The following SPAG17 variants were observed in gnomAD, a reference collection of about 807,000 sequenced individuals.
SPAG17 encodes the protein sperm-associated antigen 17.
In SPAG17, 169 loss-of-function variants were observed where a neutral mutation model predicts 273.6. That is an observed-to-expected ratio of 0.62 (90% CI 0.55 to 0.70). SPAG17 has a LOEUF of 0.70. SPAG17 is among the 30% of genes least tolerant of loss of function. SPAG17 has a pLI of 0.00. For missense variants in SPAG17, 2,557 were observed against 2,627.8 expected (o/e 0.97, Z 0.59); for synonymous variants, 825 against 873.2 (o/e 0.94, Z 0.97).
At chr1:118,051,692 GTATGTATAGTTA>G (rs576307114) in intron 20 of SPAG17, among the ~76,000 whole-genome samples, 5,451 of 143,824 alleles carry the variant, frequency 0.038, 165 homozygotes, top group Non-Finnish European at 0.056. Flanking sequence ...TTATATAATA[GTATGTATAGTTA>G]TAATATATAG....
Position 118,106,378 on chromosome 1 carries a change from G to C in SPAG17, c.448-4452C>G, listed in dbSNP as rs1656398642. 2.6e-5 allele frequency among the ~76,000 whole-genome samples: 4 copies of C among 152,138 alleles called. No homozygotes were observed. The South Asian group carries it at 8.3e-4, about 32-fold the overall frequency. ...TGAGTCTTAGTGAGGGCAAGTAGTTGTTCAAACTCAAAGCTAATATGTGGC... is the reference window on the plus strand; with the variant it reads ...TGAGTCTTAGTGAGGGCAAGTAGTTCTTCAAACTCAAAGCTAATATGTGGC... On this transcript the variant is annotated intron_variant, in intron 4 of 48. Transcript: ENST00000336338.
At chr1:118,051,820 T>C (rs1651058366) in intron 20 of SPAG17, among the ~76,000 whole-genome samples, 1 of 139,304 alleles carries the variant, frequency 7.2e-6, no homozygotes, top group African/African-American at 2.6e-5. Context: ...TATTATAATA[T>C]ATGAACTATT....
At chr1:118,076,871 A>G (rs1463197063) in intron 15 of SPAG17, among the ~76,000 whole-genome samples, 2 of 152,070 alleles carry the variant, frequency 1.3e-5, no homozygotes, top group Non-Finnish European at 2.9e-5. Context: ...TTTACTTTAG[A>G]GATAACAAGA....
At chr1:118,146,486 C>T (rs1658997528) in intron 3 of SPAG17, among the ~76,000 whole-genome samples, 1 of 152,108 alleles carries the variant, frequency 6.6e-6, no homozygotes, top group Admixed American at 6.5e-5. Flanking sequence ...CATAGATTTC[C>T]ATCTTTAGGA....
At chr1:118,133,775 T>C (rs1658188745) in intron 3 of SPAG17, among the ~76,000 whole-genome samples, 1 of 152,202 alleles carries the variant, frequency 6.6e-6, no homozygotes, top group Admixed American at 6.5e-5. Flanking sequence ...CGATGGCTTA[T>C]CCTTTTTGTA....
intron 35 of SPAG17, among the ~76,000 whole-genome samples, chr1:117,993,463 A>T (rs781509616): frequency 2.0e-5 from 3 of 152,138 alleles, no homozygotes; most frequent in Non-Finnish European, 4.4e-5. Flanking sequence ...TGACCTCCTC[A>T]TTTTCAGAGA....
In SPAG17 at chr1:118,092,166, T is replaced by C. The variant is rs1655418743; in HGVS notation, c.1174-164A>G. 1.3e-5 allele frequency among the ~76,000 whole-genome samples: 2 copies of C among 152,200 alleles called. 1 individual carries two copies. The highest frequency in any genetic ancestry group is 1.3e-4 in the Admixed American group (2 of 15,286). Reference sequence around the variant, plus strand: ...TAGAACCAAAGGAAAAGAGTTTTGCTTGATGAAGGAAAGAAGGTAATGGTA... The same window carrying C: ...TAGAACCAAAGGAAAAGAGTTTTGCCTGATGAAGGAAAGAAGGTAATGGTA... On this transcript the variant is annotated intron_variant, in intron 8 of 48. Transcript: ENST00000336338.
intron 30 of SPAG17, among the ~76,000 whole-genome samples, chr1:118,011,681 A>T (rs1439996417): frequency 6.6e-6 from 1 of 152,124 alleles, no homozygotes; most frequent in African/African-American, 2.4e-5. Flanking sequence ...ATTTGGCTAT[A>T]TTACAAACCT....
chr1:118,129,706 TCTTTCTTTTCTTTCTTTCC>T, intron 3 of SPAG17, among the ~76,000 whole-genome samples: 1 of 151,302 alleles, frequency 6.6e-6, no homozygotes, highest in South Asian at 2.1e-4. Context: ...TTCCCTTCTT[TCTTTCTTTTCTTTCTTTCC>T]CTTTCTTTTC....
chr1:117,969,922 T>C (rs1283562482), intron 46 of SPAG17, 134 bp downstream of exon 46: 4 of 748,342 alleles, frequency 5.3e-6, no homozygotes, highest in Non-Finnish European at 8.8e-6. Flanking sequence ...TTGCTTATGA[T>C]ATTAAAAACA....
intron 4 of SPAG17, among the ~76,000 whole-genome samples, chr1:118,106,096 T>C (rs1407506646): frequency 6.6e-6 from 1 of 152,174 alleles, no homozygotes; most frequent in East Asian, 1.9e-4. Context: ...ATGTACAATT[T>C]GTCTACAGGG....
chr1:117,965,981 C>T (rs550496020), intron 47 of SPAG17: 1 of 152,298 alleles, frequency 6.6e-6, no homozygotes, highest in African/African-American at 2.4e-5. Context: ...TTTTCACATT[C>T]TATAAGATCC....
chr1:118,091,291 A>T (rs926920861), intron 10 of SPAG17, among the ~76,000 whole-genome samples: 6 of 152,192 alleles, frequency 3.9e-5, no homozygotes, highest in Non-Finnish European at 8.8e-5. Flanking sequence ...GACTATTAAC[A>T]ACCTCACCCA....
intron 3 of SPAG17, among the ~76,000 whole-genome samples, chr1:118,144,971 C>T (rs767584821): frequency 6.6e-6 from 1 of 152,162 alleles, no homozygotes; most frequent in Non-Finnish European, 1.5e-5. Flanking sequence ...TCCCTAAGCT[C>T]TATGAAATAA....
intron 37 of SPAG17, 46 bp from the exon 38 acceptor site, chr1:117,990,952 G>A (rs761506941): frequency 3.5e-6 from 4 of 1,135,898 alleles, no homozygotes; most frequent in Non-Finnish European, 5.0e-6. Context: ...TTACTTACAA[G>A]ACTTACTTTG....
intron 45 of SPAG17, among the ~76,000 whole-genome samples, chr1:117,971,251 G>A (rs1223465101): frequency 1.3e-5 from 2 of 152,166 alleles, no homozygotes; most frequent in African/African-American, 4.8e-5. Flanking sequence ...GAGGTATATG[G>A]TTTACCGATC....
At chr1:118,051,778 CTAT>C (rs1006002439) in intron 20 of SPAG17, among the ~76,000 whole-genome samples, 21 of 139,790 alleles carry the variant, frequency 1.5e-4, no homozygotes, top group Non-Finnish European at 2.3e-4. Context: ...TAACATAATA[CTAT>C]TATAATATAT....
intron 1 of SPAG17, among the ~76,000 whole-genome samples, chr1:118,177,696 A>C (rs1327489062): frequency 6.6e-6 from 1 of 152,152 alleles, no homozygotes; most frequent in Non-Finnish European, 1.5e-5. Flanking sequence ...GAAAAAAGAG[A>C]GAAGAGCCAG....
chr1:118,054,223 T>C (rs1162471960), intron 19 of SPAG17, 130 bp from the exon 20 acceptor site: 4 of 614,756 alleles, frequency 6.5e-6, no homozygotes, highest in Admixed American at 3.0e-5. Flanking sequence ...CTCTGGTTTT[T>C]TTCTTGCCAT....
Sources: gnomAD v4.1 joint callset for allele counts (sites outside exome capture counted in the v4.1 genomes callset) on GRCh38, gnomAD v4.1.1 for gene constraint, MANE v1.5 for transcripts, NCBI Gene and HGNC (gene_info 2026-07-23, HGNC 2026-07-21) for gene names.